NFAT5: variants seen among roughly 807,000 people sequenced by gnomAD.
The protein encoded by NFAT5 is nuclear factor of activated T cells 5, also known as nuclear factor of activated T-cells 5.
In NFAT5, 31 loss-of-function variants were observed where a neutral mutation model predicts 166.5. That is an observed-to-expected ratio of 0.19 (90% CI 0.14 to 0.25). NFAT5 has a LOEUF of 0.25. Among genes scored for constraint, NFAT5 ranks in the 10% least tolerant of loss-of-function variants. The pLI, the probability that NFAT5 is intolerant of heterozygous loss-of-function variation, is 1.00. For missense variants in NFAT5, 1,449 were observed against 1,821.8 expected (o/e 0.80, Z 3.72); for synonymous variants, 612 against 639.7 (o/e 0.96, Z 0.65).
chr16:69,646,421 A>C, intron 3 of NFAT5: 1 of 444,242 alleles, frequency 2.3e-6, no homozygotes, highest in Non-Finnish European at 3.6e-6. Context: ...AATTCAGTTG[A>C]TTATATATTT....
chr16:69,624,191 TC>T (rs1159665456), intron 2 of NFAT5, among the ~76,000 whole-genome samples: 2 of 152,160 alleles, frequency 1.3e-5, no homozygotes, highest in African/African-American at 4.8e-5. Flanking sequence ...TTTCCTTCTT[TC>T]TTTTATTTCT....
intron 2 of NFAT5, among the ~76,000 whole-genome samples, chr16:69,610,617 C>G (rs1227002992): frequency 3.9e-5 from 6 of 152,162 alleles, no homozygotes; most frequent in Admixed American, 3.3e-4. Context: ...AGCTATTCTC[C>G]TGCCTGGGAC....
intron 9 of NFAT5, 159 bp from the exon 10 acceptor site, chr16:69,677,044 G>C: frequency 1.5e-6 from 1 of 647,484 alleles, no homozygotes; most frequent in Non-Finnish European, 2.5e-6. Context: ...GCAGTGTTAA[G>C]ATTAATATCC....
chr16:69,618,741 GT>G (rs1008716598), intron 2 of NFAT5, among the ~76,000 whole-genome samples: 6 of 151,750 alleles, frequency 4.0e-5, no homozygotes, highest in South Asian at 2.1e-4. Context: ...ACATTTAGAG[GT>G]TTTTTTTAAA....
chr16:69,622,703 A>G (rs1229229033), intron 2 of NFAT5, among the ~76,000 whole-genome samples: 1 of 152,160 alleles, frequency 6.6e-6, no homozygotes, highest in Non-Finnish European at 1.5e-5. Context: ...CCTGATTAGT[A>G]ACATGCTATT....
intron 3 of NFAT5, among the ~76,000 whole-genome samples, chr16:69,638,743 A>G (rs1178208327): frequency 1.3e-5 from 2 of 151,900 alleles, no homozygotes; most frequent in African/African-American, 2.4e-5. Flanking sequence ...CTCAAAAAAA[A>G]AAAAAAAAAA....
intron 6 of NFAT5, among the ~76,000 whole-genome samples, chr16:69,658,642 A>G (rs778744264): frequency 1.3e-5 from 2 of 151,984 alleles, no homozygotes; most frequent in Non-Finnish European, 2.9e-5. Flanking sequence ...AACCTAGGCA[A>G]CATAGTAAGA....
Position 69,659,831 on chromosome 16 carries a change from G to A in NFAT5, c.1301G>A (p.Arg434Gln), listed in dbSNP as rs2036046279. The change falls in exon 7 of 15, where the codon CGA becomes CAA. Residue 434 changes from arginine (R) to glutamine (Q), a missense_variant. Arg to Gln is a conservative substitution (Grantham distance 43). Around this residue, in one of 7 missense-constraint regions of NFAT5, gnomAD observed 245 missense variants for 366.6 expected, o/e 0.67. Coordinates refer to ENST00000349945, the MANE Select transcript of NFAT5 (RefSeq NM_138713.4). ...KKSTRARLVF[R>Q]VNIMRKDGST... ...AGCACTCGTGCCAGATTGGTTTTTC[G>A]AGTTAATATCATGAGGAAAGATGGC... The A allele has an allele frequency of 1.9e-6, 3 of 1,614,014 alleles. No individual in the cohort carries two copies. The highest frequency in any genetic ancestry group is 2.5e-6 in the Non-Finnish European group (3 of 1,179,984).
intron 2 of NFAT5, among the ~76,000 whole-genome samples, chr16:69,596,494 C>T (rs1323464486): frequency 6.6e-6 from 1 of 151,968 alleles, no homozygotes; most frequent in Non-Finnish European, 1.5e-5. Flanking sequence ...CTGAGGCGGG[C>T]AGATCACGAG....
intron 2 of NFAT5, among the ~76,000 whole-genome samples, chr16:69,612,369 T>G (rs1440075818): frequency 6.6e-6 from 1 of 152,180 alleles, no homozygotes; most frequent in Non-Finnish European, 1.5e-5. Flanking sequence ...GAAATTAATG[T>G]TATATTCAAG....
At chr16:69,654,461 A>G (rs1338044452) in intron 5 of NFAT5, among the ~76,000 whole-genome samples, 1 of 152,186 alleles carries the variant, frequency 6.6e-6, no homozygotes, top group African/African-American at 2.4e-5. Flanking sequence ...ACCTTAACCC[A>G]CACCCAGTCC....
chr16:69,677,420 AAAAG>A, intron 10 of NFAT5, 85 bp downstream of exon 10: 2 of 1,159,104 alleles, frequency 1.7e-6, no homozygotes, highest in Non-Finnish European at 2.4e-6. Flanking sequence ...TAGCCAACCA[AAAAG>A]AAAGTTGCTC....
chr16:69,567,800 A>C (rs1285447717), intron 1 of NFAT5, among the ~76,000 whole-genome samples: 1 of 152,182 alleles, frequency 6.6e-6, no homozygotes, highest in Admixed American at 6.5e-5. Context: ...AAAAAAAGAG[A>C]CATATCAAGA....
At chr16:69,648,006 T>C (rs1303527924) in intron 4 of NFAT5, among the ~76,000 whole-genome samples, 1 of 151,866 alleles carries the variant, frequency 6.6e-6, no homozygotes, top group Non-Finnish European at 1.5e-5. Context: ...ACCCCATCTC[T>C]ACTAAAAATA....
chr16:69,633,602 A>G (rs1359497642), intron 3 of NFAT5, among the ~76,000 whole-genome samples: 1 of 152,216 alleles, frequency 6.6e-6, no homozygotes, highest in Non-Finnish European at 1.5e-5. Flanking sequence ...GCATGTTCTC[A>G]CTCATATGTG....
chr16:69,573,349 ATT>A (rs2016550140), intron 2 of NFAT5, among the ~76,000 whole-genome samples: 1 of 152,150 alleles, frequency 6.6e-6, no homozygotes. Context: ...TTTATAGAAT[ATT>A]TCTGATTTAT....
intron 2 of NFAT5, among the ~76,000 whole-genome samples, chr16:69,608,796 A>G (rs1263247233): frequency 6.7e-6 from 1 of 149,720 alleles, no homozygotes; most frequent in Admixed American, 6.7e-5. Context: ...TTGTTATGTA[A>G]ATATAATTGT....
At chr16:69,644,565 A>T (rs2035354216) in intron 3 of NFAT5, among the ~76,000 whole-genome samples, 1 of 152,192 alleles carries the variant, frequency 6.6e-6, no homozygotes, top group Non-Finnish European at 1.5e-5. Flanking sequence ...GTAGGATATG[A>T]TATCACAGTT....
chr16:69,689,566 GAC>G (rs1447614072), intron 11 of NFAT5, among the ~76,000 whole-genome samples: 13 of 152,172 alleles, frequency 8.5e-5, no homozygotes, highest in Admixed American at 8.5e-4. Context: ...CAGATTTTGA[GAC>G]AGTCTTGCTC....
Sources: allele counts gnomAD v4.1 joint callset (sites outside exome capture counted in the v4.1 genomes callset), GRCh38; gene constraint gnomAD v4.1.1; regional missense constraint gnomAD v4.1.1; transcripts MANE v1.5; gene names NCBI Gene and HGNC (gene_info 2026-07-23, HGNC 2026-07-21).